Variants in PCDHB7 observed in about 807,000 individuals in gnomAD.
The protein encoded by PCDHB7 is protocadherin beta 7, also known as protocadherin beta-7.
For missense variants in PCDHB7, 1,148 were observed against 1,011.6 expected, an observed-to-expected ratio of 1.13 and a Z score of -1.83; for synonymous variants, 542 against 463.1, an observed-to-expected ratio of 1.17 and a Z score of -2.19.
Position 141,175,031 on chromosome 5 carries a change from A to C in PCDHB7, c.2196A>C (p.Arg732=). The change falls in exon 1 of 1, where the codon CGA becomes CGC. Residue 732 remains arginine (R), a synonymous_variant. Transcript: ENST00000231137. ...CGGTGCCTGAGGGCCCCTTTCCACG[A>C]CATCTGGTGGACTTGAGCGGCACCG... is the stretch of plus-strand genomic sequence containing the variant. The part of the protein sequence containing the change: ...RCSVPEGPFP[R]HLVDLSGTGT... The C allele has an allele frequency of 3.1e-6, 5 of 1,614,014 alleles. No homozygotes were observed. Among genetic ancestry groups the C allele is most frequent in the Non-Finnish European group, 4.2e-6 (5 of 1,179,956 alleles).
rs782219988 is a variant in PCDHB7, at chr5:141,174,571, C to T, written c.1736C>T (p.Ala579Val). 4.3e-6 allele frequency: 7 copies of T among 1,610,216 alleles called. No individual in the cohort carries two copies. Among genetic ancestry groups the T allele is most frequent in the Admixed American group, 1.7e-5 (1 of 59,976 alleles). ...SAPCTEPLPR[A>V]AEPGYLVTKV... ...CCCTGCACCGAGCCGTTGCCCCGGG[C>T]GGCCGAGCCGGGCTACCTGGTGACC... Residue 579 changes from alanine to valine, a missense_variant, in exon 1 of 1, where the codon GCG becomes GTG. Physicochemically the swap from Ala to Val is moderately conservative, Grantham distance 64. Transcript: ENST00000231137.
rs1753354650 is a variant in PCDHB7 at position 141,175,276 on chromosome 5, G to A, written c.*59G>A. The A allele has an allele frequency of 6.7e-7, 1 of 1,488,884 alleles. No individual in the cohort carries two copies. Among genetic ancestry groups the A allele is most frequent in the East Asian group, 2.3e-5 (1 of 43,198 alleles). The allele number at this position is 1,488,884 out of a possible 1,614,324, so 92.2% of individuals were successfully genotyped here. ...ACGTTTCTGATTAGGAACTTATTGC[G>A]AGGTTCCCTTAAGGGAGTGTCTTTA... is the stretch of plus-strand genomic sequence containing the variant. On this transcript the variant is annotated 3_prime_UTR_variant, in exon 1 of 1. Transcript: ENST00000231137.
chr5:141,174,284 C>A lies in PCDHB7; in HGVS notation c.1449C>A (p.Asn483Lys), dbSNP rs782065594. 1.2e-6 allele frequency: 2 copies of A among 1,612,494 alleles called. No individual in the cohort carries two copies. Among genetic ancestry groups the A allele is most frequent in the East Asian group, 2.2e-5 (1 of 44,882 alleles). Residue 483 changes from asparagine to lysine, a missense_variant, in exon 1 of 1, where the codon AAC becomes AAA. Coordinates refer to ENST00000231137, the MANE Select transcript of PCDHB7 (RefSeq NM_018940.4). The part of the protein sequence containing the change: ...VSATDRDSGT[N>K]AQVIYSLLPS... ...CCACAGACAGAGACTCGGGCACCAA[C>A]GCCCAGGTCATCTACTCCCTGCTGC... is the stretch of plus-strand genomic sequence containing the variant.
In PCDHB7 at chr5:141,174,465, G is replaced by A. The variant is rs1241490647; in HGVS notation, c.1630G>A (p.Glu544Lys). The change falls in exon 1 of 1, where the codon GAG becomes AAG. Residue 544 changes from glutamate (E) to lysine (K), a missense_variant. Transcript: ENST00000231137. Reference protein sequence around the residue: ...TDRGSPALSSEALVRVLVLDA... With the variant: ...TDRGSPALSSKALVRVLVLDA... ...CCGCGGCTCCCCCGCGCTGAGCAGCGAGGCGCTGGTGCGCGTGCTGGTGCT... is the reference window on the plus strand; with the variant it reads ...CCGCGGCTCCCCCGCGCTGAGCAGCAAGGCGCTGGTGCGCGTGCTGGTGCT... The A allele has an allele frequency of 1.2e-6, 2 of 1,611,496 alleles. No individual in the cohort carries two copies. Among genetic ancestry groups the A allele is most frequent in the African/African-American group, 1.3e-5 (1 of 74,996 alleles).
In PCDHB7 at chr5:141,175,032, C is replaced by T. The variant is rs1753346134; in HGVS notation, c.2197C>T (p.His733Tyr). The T allele has an allele frequency of 6.2e-7, 1 of 1,614,124 alleles. No individual in the cohort carries two copies. Residue 733 changes from histidine (H) to tyrosine (Y), a missense_variant, in exon 1 of 1, where the codon CAT becomes TAT. Transcript: ENST00000231137. The stretch of plus-strand genomic sequence containing the variant: ...GGTGCCTGAGGGCCCCTTTCCACGA[C>T]ATCTGGTGGACTTGAGCGGCACCGG... ...CSVPEGPFPR[H>Y]LVDLSGTGTL...
At position 141,173,025 on chromosome 5, in the gene PCDHB7, A is replaced by G. The variant is rs782057633; in HGVS notation, c.190A>G (p.Thr64Ala). Residue 64 changes from threonine (T) to alanine (A), a missense_variant, in exon 1 of 1, where the codon ACT becomes GCT. Physicochemically the swap from Thr to Ala is moderately conservative, Grantham distance 58. Coordinates refer to ENST00000231137, the MANE Select transcript of PCDHB7 (RefSeq NM_018940.4). ...GGTAGGGGAACTGAGAGCCCGGGGAACTAGAATTGTTTCAGACCAGAACAT... is the reference window on the plus strand; with the variant it reads ...GGTAGGGGAACTGAGAGCCCGGGGAGCTAGAATTGTTTCAGACCAGAACAT... ...LGVGELRARGTRIVSDQNMQI... is the reference protein window; with the variant it reads ...LGVGELRARGARIVSDQNMQI... 5.6e-6 allele frequency: 9 copies of G among 1,614,144 alleles called. No individual in the cohort carries two copies. The South Asian group carries it at 9.9e-5, about 18-fold the overall frequency.
chr5:141,174,872 C>T lies in PCDHB7; in HGVS notation c.2037C>T (p.Asp679=), dbSNP rs1554280358. Reference sequence around the variant, plus strand: ...TGCGGCTCCCGGAGGCGGCCCCGGACCAGGCCAACTCGCTCACCGTCTACC... The same window carrying T: ...TGCGGCTCCCGGAGGCGGCCCCGGATCAGGCCAACTCGCTCACCGTCTACC... The part of the protein sequence containing the change: ...PYLRLPEAAP[D]QANSLTVYLV... Residue 679 remains aspartate (D), a synonymous_variant, in exon 1 of 1, where the codon GAC becomes GAT. Transcript: ENST00000231137. The T allele has an allele frequency of 6.2e-7, 1 of 1,611,108 alleles. No individual in the cohort carries two copies. Among genetic ancestry groups the T allele is most frequent in the Non-Finnish European group, 8.5e-7 (1 of 1,178,628 alleles).
rs1400049787 is a variant in PCDHB7, at chr5:141,175,935, T to G, written c.*718T>G. 5 of 167,188 alleles carry G rather than the reference T, an allele frequency of 3.0e-5. No individual in the cohort carries two copies. The highest frequency in any genetic ancestry group is 7.3e-5 in the Non-Finnish European group (5 of 68,230). The allele number at this position is 167,188 out of a possible 1,614,324, so 10.4% of individuals were successfully genotyped here. ...TAATAATGTACATATTTATCTATGG[T>G]TTTATTTTCTTATACACCAAAAGTC... On this transcript the variant is annotated 3_prime_UTR_variant, in exon 1 of 1. Transcript: ENST00000231137.
Position 141,173,265 on chromosome 5 carries a change from G to T in PCDHB7, c.430G>T (p.Glu144Ter). 6.2e-7 allele frequency: 1 copy of T among 1,614,140 alleles called. No homozygotes were observed. Among genetic ancestry groups the T allele is most frequent in the Non-Finnish European group, 8.5e-7 (1 of 1,180,030 alleles). ...CAGAGAGATTTCCTTGAAAATATTAGAAAGTACCACTCCAGGGGCGGCATT... is the reference window on the plus strand; with the variant it reads ...CAGAGAGATTTCCTTGAAAATATTATAAAGTACCACTCCAGGGGCGGCATT... ...LDREISLKIL[E>*]STTPGAAFLL... is the part of the protein sequence containing the mutation. Residue 144 changes from glutamate to a stop codon, truncating the protein, a stop_gained, in exon 1 of 1, where the codon GAA becomes TAA. Coordinates refer to ENST00000231137, the MANE Select transcript of PCDHB7 (RefSeq NM_018940.4). LOFTEE classifies it low-confidence loss of function (END_TRUNC).
Position 141,176,023 on chromosome 5 carries a change from G to A in PCDHB7, c.*806G>A, listed in dbSNP as rs183076318. On this transcript the variant is annotated 3_prime_UTR_variant, in exon 1 of 1. Coordinates refer to ENST00000231137, the MANE Select transcript of PCDHB7 (RefSeq NM_018940.4). ...TGCTCTGATCTGTCCAAACTCAAGC[G>A]GAAAACAAAATTGAAAGGGCAACCT... 1.7e-3 allele frequency: 277 copies of A among 167,212 alleles called. 1 individual carries two copies. The highest frequency in any genetic ancestry group is 5.0e-3 in the Admixed American group (76 of 15,284). The allele number at this position is 167,212 out of a possible 1,614,324, so 10.4% of individuals were successfully genotyped here.
chr5:141,174,852 C>G lies in PCDHB7; in HGVS notation c.2017C>G (p.Leu673Val), dbSNP rs781986819. The change falls in exon 1 of 1, where the codon CTC becomes GTC. Residue 673 changes from leucine (L) to valine (V), a missense_variant. Coordinates refer to ENST00000231137, the MANE Select transcript of PCDHB7 (RefSeq NM_018940.4). ...VDGFSQPYLR[L>V]PEAAPDQANS... ...CGGCTTCTCCCAGCCCTACCTGCGG[C>G]TCCCGGAGGCGGCCCCGGACCAGGC... 25 of 1,612,568 alleles carry G rather than the reference C, an allele frequency of 1.6e-5. No individual in the cohort carries two copies. In the East Asian group the frequency reaches 4.2e-4, roughly 27 times the overall value.
In PCDHB7 at chr5:141,172,905, T is replaced by A; in HGVS notation, c.70T>A (p.Ser24Thr). ...VLFLCVFLGMSWAGAEPLRYF... is the reference protein window; with the variant it reads ...VLFLCVFLGMTWAGAEPLRYF... Reference sequence around the variant, plus strand: ...ATTTCTTTGTGTATTTCTGGGAATGTCTTGGGCTGGCGCCGAACCGCTTCG... The same window carrying A: ...ATTTCTTTGTGTATTTCTGGGAATGACTTGGGCTGGCGCCGAACCGCTTCG... The change falls in exon 1 of 1, where the codon TCT becomes ACT. Residue 24 changes from serine to threonine, a missense_variant. By Grantham distance (58) the Ser-to-Thr change is moderately conservative. Coordinates refer to ENST00000231137, the MANE Select transcript of PCDHB7 (RefSeq NM_018940.4). 7 of 1,614,210 alleles carry A rather than the reference T, an allele frequency of 4.3e-6. No individual in the cohort carries two copies. Among genetic ancestry groups the A allele is most frequent in the Non-Finnish European group, 5.9e-6 (7 of 1,180,042 alleles).
Position 141,175,235 on chromosome 5 carries a change from A to C in PCDHB7, c.*18A>C. On this transcript the variant is annotated 3_prime_UTR_variant, in exon 1 of 1. Coordinates refer to ENST00000231137, the MANE Select transcript of PCDHB7 (RefSeq NM_018940.4). ...GTTTCTGATAAAGAATGTAAACTAA[A>C]TCCGCGTCTGTGAATACGTTTCTGA... The C allele has an allele frequency of 6.3e-7, 1 of 1,582,204 alleles. No individual in the cohort carries two copies. Among genetic ancestry groups the C allele is most frequent in the Non-Finnish European group, 8.6e-7 (1 of 1,163,722 alleles).
Position 141,172,939 on chromosome 5 carries a change from T to C in PCDHB7, c.104T>C (p.Val35Ala), listed in dbSNP as rs1554279859. The change falls in exon 1 of 1, where the codon GTG becomes GCG. Residue 35 changes from valine (V) to alanine (A), a missense_variant. By Grantham distance (64) the Val-to-Ala change is moderately conservative (BLOSUM62 0). Coordinates refer to ENST00000231137, the MANE Select transcript of PCDHB7 (RefSeq NM_018940.4). Reference sequence around the variant, plus strand: ...GGCGCCGAACCGCTTCGGTATTTTGTGGCGGAGGAAACCGAGAGAGGCACC... The same window carrying C: ...GGCGCCGAACCGCTTCGGTATTTTGCGGCGGAGGAAACCGAGAGAGGCACC... ...WAGAEPLRYF[V>A]AEETERGTFL... 4 of 1,614,238 alleles carry C rather than the reference T, an allele frequency of 2.5e-6. No individual in the cohort carries two copies. Among genetic ancestry groups the C allele is most frequent in the Non-Finnish European group, 3.4e-6 (4 of 1,180,042 alleles).
chr5:141,174,093 A>C lies in PCDHB7; in HGVS notation c.1258A>C (p.Thr420Pro), dbSNP rs111658515. 1 of 1,614,066 alleles carries C rather than the reference A, an allele frequency of 6.2e-7. No individual in the cohort carries two copies. Among genetic ancestry groups the C allele is most frequent in the Admixed American group, 1.7e-5 (1 of 60,018 alleles). ...DRERNTEYNI[T>P]ITVTDLGTPR... ...AGAGAGGAACACTGAGTACAACATC[A>C]CCATCACCGTCACCGACTTGGGGAC... Residue 420 changes from threonine to proline, a missense_variant, in exon 1 of 1, where the codon ACC (threonine) becomes CCC (proline). Transcript: ENST00000231137.
In PCDHB7 at chr5:141,173,284, C is replaced by T. The variant is rs782638001; in HGVS notation, c.449C>T (p.Ala150Val). Residue 150 changes from alanine (A) to valine (V), a missense_variant, in exon 1 of 1, where the codon GCG becomes GTG. Ala to Val is a moderately conservative substitution (Grantham distance 64, BLOSUM62 0). Transcript: ENST00000231137. ...ATATTAGAAAGTACCACTCCAGGGG[C>T]GGCATTTCTCCTAGAGAGTGCACAG... ...LKILESTTPGAAFLLESAQDS... is the reference protein window; with the variant it reads ...LKILESTTPGVAFLLESAQDS... 54 of 1,613,902 alleles carry T rather than the reference C, an allele frequency of 3.3e-5. No individual in the cohort carries two copies. The South Asian group carries it at 5.3e-4, about 16-fold the overall frequency.
chr5:141,176,382 T>G lies in PCDHB7; in HGVS notation c.*1165T>G, dbSNP rs782562927. 1 of 166,738 alleles carries G rather than the reference T, an allele frequency of 6.0e-6. No homozygotes were observed. Among genetic ancestry groups the G allele is most frequent in the Non-Finnish European group, 1.5e-5 (1 of 68,134 alleles). 10.3% of individuals were successfully genotyped at this position (166,738 alleles called of 1,614,324 possible). A position where few individuals can be genotyped will look rare whatever the true frequency, so the allele number is the denominator to read the frequency against. ...TCGGAAGTTAAGGAGAAGCACTGTTTTTTATAAAAATTTACAACTGATTTT... is the reference window on the plus strand; with the variant it reads ...TCGGAAGTTAAGGAGAAGCACTGTTGTTTATAAAAATTTACAACTGATTTT... On this transcript the variant is annotated 3_prime_UTR_variant, in exon 1 of 1. Transcript: ENST00000231137.
rs13170917 is a variant in PCDHB7 at position 141,174,537 on chromosome 5, A to G, written c.1702A>G (p.Ser568Gly). The G allele has an allele frequency of 6.8e-3, 10,841 of 1,590,938 alleles. 77 individuals carry two copies. The highest frequency in any genetic ancestry group is 0.022 in the African/African-American group (1,652 of 74,352). Residue 568 changes from serine to glycine, a missense_variant, in exon 1 of 1, where the codon AGC becomes GGC. Coordinates refer to ENST00000231137, the MANE Select transcript of PCDHB7 (RefSeq NM_018940.4). The stretch of plus-strand genomic sequence containing the variant: ...CTTCGTGCTGTACCCGCTGCAGAAC[A>G]GCTCCGCGCCCTGCACCGAGCCGTT... ...SPFVLYPLQN[S>G]SAPCTEPLPR...
Position 141,174,188 on chromosome 5 carries a change from C to T in PCDHB7, c.1353C>T (p.Phe451=). 1 of 1,613,590 alleles carries T rather than the reference C, an allele frequency of 6.2e-7. No individual in the cohort carries two copies. The highest frequency in any genetic ancestry group is 8.5e-7 in the Non-Finnish European group (1 of 1,180,040). Residue 451 remains phenylalanine (F), a synonymous_variant, in exon 1 of 1, where the codon TTC becomes TTT. Coordinates refer to ENST00000231137, the MANE Select transcript of PCDHB7 (RefSeq NM_018940.4). ...ACGTCAATGACAACGCTCCCGCCTT[C>T]ACCCAAACCTCCTACACCCTGTTTG... is the stretch of plus-strand genomic sequence containing the variant. ...VSDVNDNAPA[F]TQTSYTLFVR...
Sources: gnomAD v4.1 joint callset for allele counts on GRCh38, gnomAD v4.1.1 for gene constraint, MANE v1.5 for transcripts, NCBI Gene and HGNC (gene_info 2026-07-23, HGNC 2026-07-21) for gene names.